The following TOP3B variants were observed in gnomAD, a reference collection of about 807,000 sequenced individuals.
TOP3B encodes DNA topoisomerase 3-beta-1.
A neutral mutation model predicts 93.9 loss-of-function variants in TOP3B; 45 were observed. The ratio of observed to expected loss-of-function variants is 0.48; its 90% CI spans 0.38 to 0.61. TOP3B has a LOEUF of 0.61. TOP3B is among the 20% of genes least tolerant of loss of function. The pLI is 0.00. For synonymous variants in TOP3B, 357 were observed against 472.6 expected, an observed-to-expected ratio of 0.76 and a Z score of 3.17; for missense variants, 750 against 1,156.1, an observed-to-expected ratio of 0.65 and a Z score of 5.09.
intron 1 of TOP3B, among the ~76,000 whole-genome samples, chr22:21,979,761 G>A (rs2084579662): frequency 6.6e-6 from 1 of 151,866 alleles, no homozygotes; most frequent in South Asian, 2.1e-4. Context: ...CTAACGTGGT[G>A]AAACCCCGTC....
At chr22:21,965,676 G>C (rs551943396) in intron 8 of TOP3B, 94 of 184,320 alleles carry the variant, frequency 5.1e-4, no homozygotes, top group African/African-American at 2.0e-3. Flanking sequence ...AGACCAGCTT[G>C]ACCAAGATGG....
At position 21,970,386 on chromosome 22, in the gene TOP3B, G is replaced by A. The variant is rs756775560; in HGVS notation, c.405C>T (p.Pro135=). The A allele has an allele frequency of 1.2e-5, 19 of 1,613,858 alleles. No homozygotes were observed. The highest frequency in any genetic ancestry group is 8.9e-5 in the East Asian group (4 of 44,868). The change falls in exon 6 of 18, where the codon CCC becomes CCT. Residue 135 remains proline (P), a synonymous_variant. Transcript: ENST00000357179. This position sits in a 1 kb window ranked among gnomAD's most constrained non-coding sequence, Gnocchi z 4.4. Reference sequence around the variant, plus strand: ...CGCCACCATGGGCCTTGTTCATGACGGGCAGAACAGCATCAAGAACCTGGG... The same window carrying A: ...CGCCACCATGGGCCTTGTTCATGACAGGCAGAACAGCATCAAGAACCTGGG... ...ICFEVLDAVL[P]VMNKAHGGEK...
chr22:21,976,655 GACT>G (rs1379650558), intron 1 of TOP3B: 2 of 152,122 alleles, frequency 1.3e-5, no homozygotes, highest in East Asian at 3.9e-4. Context: ...CATCATCAGC[GACT>G]ACTTCACCCC....
intron 8 of TOP3B, 95 bp from the exon 9 acceptor site, chr22:21,965,470 C>T: frequency 1.6e-6 from 1 of 621,014 alleles, no homozygotes; most frequent in Non-Finnish European, 2.7e-6. Context: ...TTTCATTCAT[C>T]TGGTCTCCCT....
Position 21,963,708 on chromosome 22 carries a change from C to T in TOP3B, c.1204+215G>A. 1.7e-6 allele frequency: 1 copy of T among 579,660 alleles called. No homozygotes were observed. Among genetic ancestry groups the T allele is most frequent in the South Asian group, 2.1e-5 (1 of 48,544 alleles). The allele number at this position is 579,660 out of a possible 1,614,324, so 35.9% of individuals were successfully genotyped here. On this transcript the variant is annotated intron_variant, in intron 11 of 17. Coordinates refer to ENST00000357179, the MANE Select transcript of TOP3B (RefSeq NM_001282112.2). This position sits in a 1 kb window ranked among gnomAD's most constrained non-coding sequence, Gnocchi z 4.8. ...TCATGTCCCCTGTGGCGTCTGCCCC[C>T]TTGCCTCCCTGCAACAGCACCTGCT... is the stretch of plus-strand genomic sequence containing the variant.
chr22:21,960,940 C>T (rs2283797), intron 13 of TOP3B: 29,027 of 159,836 alleles, frequency 0.18, 2,874 homozygotes, highest in Middle Eastern at 0.25. Context: ...CTGCAAGGCC[C>T]GTCACGATCC....
chr22:21,972,362 C>A (rs1345409711), intron 4 of TOP3B: 5 of 476,834 alleles, frequency 1.0e-5, no homozygotes, highest in Non-Finnish European at 1.1e-5. Context: ...GAAAAACCCC[C>A]CGACCAAACA....
chr22:21,970,389 C>T lies in TOP3B; in HGVS notation c.402G>A (p.Leu134=), dbSNP rs115645260. 274 of 1,613,874 alleles carry T rather than the reference C, an allele frequency of 1.7e-4. 1 individual carries two copies. In the African/African-American group the frequency reaches 3.3e-3, roughly 20 times the overall value. Reference sequence around the variant, plus strand: ...CACCATGGGCCTTGTTCATGACGGGCAGAACAGCATCAAGAACCTGGGGGT... The same window carrying T: ...CACCATGGGCCTTGTTCATGACGGGTAGAACAGCATCAAGAACCTGGGGGT... ...NICFEVLDAV[L]PVMNKAHGGE... is the part of the protein sequence containing the mutation. The change falls in exon 6 of 18, where the codon CTG becomes CTA. Residue 134 remains leucine, a synonymous_variant. Transcript: ENST00000357179. The surrounding 1 kb of genome is among the most constrained non-coding windows in gnomAD (Gnocchi z 4.4).
chr22:21,968,529 G>A (rs1049614603), intron 7 of TOP3B, 90 bp downstream of exon 7: 5 of 1,541,064 alleles, frequency 3.2e-6, no homozygotes, highest in Admixed American at 3.6e-5. Context: ...CCCTCAGCCC[G>A]GGGCCTGCCG....
At position 21,959,611 on chromosome 22, in the gene TOP3B, G is replaced by A. The variant is rs1433510428; in HGVS notation, c.1780C>T (p.His594Tyr). 1 of 1,613,036 alleles carries A rather than the reference G, an allele frequency of 6.2e-7. No homozygotes were observed. Among genetic ancestry groups the A allele is most frequent in the African/African-American group, 1.3e-5 (1 of 75,024 alleles). The change falls in exon 15 of 18, where the codon CAC becomes TAC. Residue 594 changes from histidine to tyrosine, a missense_variant. By Grantham distance (83) the His-to-Tyr change is moderately conservative. Coordinates refer to ENST00000357179, the MANE Select transcript of TOP3B (RefSeq NM_001282112.2). ...CCAGCAATGGAGTCGACAAAGTAGT[G>A]GAACTTCCTCTTGAACACGTCCAGG... is the stretch of plus-strand genomic sequence containing the variant. ...HTLDVFKRKF[H>Y]YFVDSIAGMD...
At position 21,971,073 on chromosome 22, in the gene TOP3B, A is replaced by G; in HGVS notation, c.385-667T>C. On this transcript the variant is annotated intron_variant, in intron 5 of 17. Transcript: ENST00000357179. The surrounding 1 kb of genome is among the most constrained non-coding windows in gnomAD (Gnocchi z 4.6). Reference sequence around the variant, plus strand: ...AAGTGGCTTCATTTCTGAAGGGAGAAAGCCCCATGAGCTGCCCCCATTCTC... The same window carrying G: ...AAGTGGCTTCATTTCTGAAGGGAGAGAGCCCCATGAGCTGCCCCCATTCTC... 7.7e-7 allele frequency: 1 copy of G among 1,302,638 alleles called. No homozygotes were observed. The highest frequency in any genetic ancestry group is 1.0e-6 in the Non-Finnish European group (1 of 987,880). 80.7% of individuals were successfully genotyped at this position (1,302,638 alleles called of 1,614,324 possible). A position where few individuals can be genotyped will look rare whatever the true frequency, so the allele number is the denominator to read the frequency against.
At chr22:21,976,965 T>C (rs2071899122) in intron 1 of TOP3B, 1 of 152,190 alleles carries the variant, frequency 6.6e-6, no homozygotes, top group Non-Finnish European at 1.5e-5. Flanking sequence ...AGCAAAGGTT[T>C]GAGTAGAAAC....
At chr22:21,977,947 C>T (rs2071948737) in intron 1 of TOP3B, among the ~76,000 whole-genome samples, 1 of 151,994 alleles carries the variant, frequency 6.6e-6, no homozygotes, top group East Asian at 1.9e-4. Flanking sequence ...CTGGGTGACA[C>T]CTGGGAGAAG....
In TOP3B at chr22:21,968,633, C is replaced by G. The variant is rs149696779; in HGVS notation, c.724G>C (p.Val242Leu). 6 of 1,614,174 alleles carry G rather than the reference C, an allele frequency of 3.7e-6. No individual in the cohort carries two copies. The highest frequency in any genetic ancestry group is 5.1e-6 in the Non-Finnish European group (6 of 1,180,038). ...AGGCAAGGAACCTTGGCCTGCAGCA[C>G]CCAGTAGGTCTCTGGTTTGAAGGAC... Reference protein sequence around the residue: ...IQSFKPETYWVLQAKVNTDKD... With the variant: ...IQSFKPETYWLLQAKVNTDKD... Residue 242 changes from valine to leucine, a missense_variant, in exon 7 of 18, where the codon GTG (valine) becomes CTG (leucine). Val to Leu is a conservative substitution (Grantham distance 32, BLOSUM62 1). This residue lies in a region of TOP3B where 737 missense variants were observed against 933.7 expected (regional missense o/e 0.79). Transcript: ENST00000357179.
At chr22:21,979,651 G>A (rs2084574132) in intron 1 of TOP3B, among the ~76,000 whole-genome samples, 1 of 152,096 alleles carries the variant, frequency 6.6e-6, no homozygotes, top group Non-Finnish European at 1.5e-5. Flanking sequence ...TAAAAGCATG[G>A]CATTCTCTGG....
rs1200258427 is a variant in TOP3B at position 21,971,829 on chromosome 22, G to A, written c.384+48C>T. ...TGACTGCTGGTGTCAGTTTGGGGCT[G>A]GTGTCAGAAAGGCCAAAAGTGAGGA... On this transcript the variant is annotated intron_variant, in intron 5 of 17. Transcript: ENST00000357179. The surrounding 1 kb of genome is among the most constrained non-coding windows in gnomAD (Gnocchi z 4.6). 1.3e-6 allele frequency: 2 copies of A among 1,567,480 alleles called. No homozygotes were observed. The highest frequency in any genetic ancestry group is 3.3e-5 in the Admixed American group (2 of 59,886).
Position 21,972,604 on chromosome 22 carries a change from C to T in TOP3B, c.309+8G>A. ...CGGTGTGCTCATGCCCAGGCCAGCC[C>T]CACGCACCTGCAGGAACTTCACCAT... On this transcript the variant is annotated splice_region_variant and intron_variant, in intron 4 of 17. Transcript: ENST00000357179. The T allele has an allele frequency of 1.9e-6, 3 of 1,602,142 alleles. No individual in the cohort carries two copies. In the Admixed American group the frequency reaches 5.2e-5, roughly 28 times the overall value.
At chr22:21,962,396 A>G in intron 13 of TOP3B, 33 bp downstream of exon 13, 3 of 1,612,126 alleles carry the variant, frequency 1.9e-6, no homozygotes, top group Non-Finnish European at 2.5e-6. Flanking sequence ...CTGGAGACGG[A>G]GCCGGCTCTG....
At chr22:21,959,959 AG>A in intron 14 of TOP3B, 1 of 668,608 alleles carries the variant, frequency 1.5e-6, no homozygotes, top group East Asian at 2.8e-5. Context: ...CAGAGTGGCC[AG>A]GGATGTCCTG....
Sources: gnomAD v4.1 joint callset for allele counts (sites outside exome capture counted in the v4.1 genomes callset) on GRCh38, gnomAD v4.1.1 for gene constraint, gnomAD v4.1.1 regional missense constraint, Gnocchi (gnomAD v3.1) non-coding constraint, MANE v1.5 for transcripts, NCBI Gene and HGNC (gene_info 2026-07-23, HGNC 2026-07-21) for gene names.